RAG1: variants seen among roughly 807,000 people sequenced by gnomAD.
RAG1 encodes the protein V(D)J recombination-activating protein 1.
RAG1 carries 35 observed loss-of-function variants against 62.7 expected under a neutral mutation model. That is an observed-to-expected ratio of 0.56 (90% CI 0.43 to 0.74). The LOEUF (loss-of-function observed/expected upper bound fraction) is 0.74. Ranked by LOEUF, RAG1 falls within the 30% of genes least tolerant of loss-of-function variation. The probability of loss-of-function intolerance (pLI) is 0.00; values close to 1 mark genes in which losing one functional copy is unlikely to be tolerated. For synonymous variants in RAG1, 461 were observed against 470.3 expected, an observed-to-expected ratio of 0.98 and a Z score of 0.26; for missense variants, 1,169 against 1,278.6, an observed-to-expected ratio of 0.91 and a Z score of 1.31.
downstream of RAG1, among the ~76,000 whole-genome samples, chr11:36,539,649 G>T (rs1484889776): frequency 6.6e-6 from 1 of 151,994 alleles, no homozygotes; most frequent in African/African-American, 2.4e-5. Flanking sequence ...CACGCCTGGC[G>T]ATATTTTTAG....
intron 3 of RAG1, among the ~76,000 whole-genome samples, chr11:36,541,043 A>G (rs1860409027): frequency 6.6e-6 from 1 of 152,160 alleles, no homozygotes; most frequent in Admixed American, 6.6e-5. Flanking sequence ...TCCGGTTTCC[A>G]CATGACATGA....
At chr11:36,513,492 C>T (rs1289205810) in intron 1 of RAG1, among the ~76,000 whole-genome samples, 1 of 152,184 alleles carries the variant, frequency 6.6e-6, no homozygotes, top group Non-Finnish European at 1.5e-5. Flanking sequence ...ACTTATTGAA[C>T]AACCATTATA....
chr11:36,521,375 CT>C (rs568107016), intron 2 of RAG1, among the ~76,000 whole-genome samples: 85 of 152,204 alleles, frequency 5.6e-4, no homozygotes, highest in African/African-American at 2.0e-3. Flanking sequence ...GTGAATGAGT[CT>C]CACTAAATCT....
At position 36,551,601 on chromosome 11, in the gene RAG1, C is replaced by CTTTT. The variant is rs199642455; in HGVS notation, c.-411-11769_-411-11766dup. Among the ~76,000 whole-genome samples, 677 of 133,132 alleles carry CTTTT rather than the reference C, an allele frequency of 5.1e-3. 10 individuals carry two copies. The highest frequency in any genetic ancestry group is 0.015 in the African/African-American group (554 of 36,296). 87.3% of individuals were successfully genotyped at this position (133,132 alleles called of 152,430 possible). On this transcript the variant is annotated intron_variant and NMD_transcript_variant, in intron 3 of 9. Transcript: ENST00000534663. ...TGACCTCATTTTAACTTAATTACTT[C>CTTTT]TTTTTTTTTTTTTTTTTTATTATAC... is the stretch of plus-strand genomic sequence containing the variant.
chr11:36,536,786 T>TCAA (rs1432821318), downstream of RAG1, among the ~76,000 whole-genome samples: 1 of 151,346 alleles, frequency 6.6e-6, no homozygotes, highest in Non-Finnish European at 1.5e-5. Flanking sequence ...TGAGACGGAG[T>TCAA]CTTGCTCAGT....
intron 1 of RAG1, among the ~76,000 whole-genome samples, chr11:36,512,920 C>A (rs751839435): frequency 6.6e-6 from 1 of 152,108 alleles, no homozygotes; most frequent in South Asian, 2.1e-4. Context: ...AGTTTCAATG[C>A]GTCCCCTAAA....
rs994294773 is a variant in RAG1, at chr11:36,578,670, A to G, written c.*2234A>G. 6.0e-6 allele frequency: 1 copy of G among 167,084 alleles called. No homozygotes were observed. The highest frequency in any genetic ancestry group is 1.5e-5 in the Non-Finnish European group (1 of 68,126). The allele number at this position is 167,084 out of a possible 1,614,324, so 10.4% of individuals were successfully genotyped here. On this transcript the variant is annotated 3_prime_UTR_variant, in exon 2 of 2. Coordinates refer to ENST00000299440, the MANE Select transcript of RAG1 (RefSeq NM_000448.3). ...AGCACAACCTTTCCAATAATCCCTTAATCAGATCACATTTTGATAAACCCT... is the reference window on the plus strand; with the variant it reads ...AGCACAACCTTTCCAATAATCCCTTGATCAGATCACATTTTGATAAACCCT...
rs1424729647 is a variant in RAG1, at chr11:36,576,283, C to A, written c.2979C>A (p.His993Gln). The change falls in exon 2 of 2, where the codon CAC (histidine) becomes CAA (glutamine). Residue 993 changes from histidine to glutamine, a missense_variant. Physicochemically the swap from His to Gln is conservative, Grantham distance 24. Around this residue, in one of 2 missense-constraint regions of RAG1, gnomAD observed 800 missense variants for 943.3 expected, o/e 0.85. Transcript: ENST00000299440. The stretch of plus-strand genomic sequence containing the variant: ...ATGAGATGGAAGATGTCCTGAAACA[C>A]CACTGGTTGTACACCTCCAAATACC... Reference protein sequence around the residue: ...KCYEMEDVLKHHWLYTSKYLQ... With the variant: ...KCYEMEDVLKQHWLYTSKYLQ... 1.5e-5 allele frequency: 24 copies of A among 1,613,922 alleles called. No individual in the cohort carries two copies. The highest frequency in any genetic ancestry group is 1.9e-5 in the Non-Finnish European group (22 of 1,180,040).
chr11:36,525,847 A>C (rs1024818778), intron 2 of RAG1, among the ~76,000 whole-genome samples: 1 of 152,184 alleles, frequency 6.6e-6, no homozygotes, highest in African/African-American at 2.4e-5. Context: ...GTCATCTGCA[A>C]ATAGAAACGG....
intron 3 of RAG1, among the ~76,000 whole-genome samples, chr11:36,548,330 A>G (rs1304659658): frequency 1.3e-5 from 2 of 152,222 alleles, no homozygotes; most frequent in Non-Finnish European, 2.9e-5. Flanking sequence ...AGAGGAAGTC[A>G]AATTGTCTCT....
intron 2 of RAG1, among the ~76,000 whole-genome samples, chr11:36,530,162 T>C (rs1417074809): frequency 2.0e-5 from 3 of 151,794 alleles, no homozygotes; most frequent in Admixed American, 6.6e-5. Context: ...GGGTCTATAC[T>C]GATATCCCTG....
chr11:36,561,048 A>G (rs957550771), intron 3 of RAG1, among the ~76,000 whole-genome samples: 42 of 152,204 alleles, frequency 2.8e-4, no homozygotes, highest in African/African-American at 9.7e-4. Context: ...CTTAGGCACA[A>G]TTATACTGTC....
chr11:36,514,241 G>A (rs1263288761), intron 1 of RAG1, among the ~76,000 whole-genome samples: 1 of 152,196 alleles, frequency 6.6e-6, no homozygotes. Context: ...AATCTCACAA[G>A]AGACCCTAAG....
upstream of RAG1, among the ~76,000 whole-genome samples, chr11:36,567,745 T>C (rs756960570): frequency 2.0e-5 from 3 of 152,218 alleles, no homozygotes; most frequent in Non-Finnish European, 2.9e-5. Context: ...TGGCAAAAGC[T>C]GGGGCTTATA....
chr11:36,527,523 C>G lies in RAG1; in HGVS notation n.428+7294C>G, dbSNP rs146448370. Among the ~76,000 whole-genome samples the G allele has an allele frequency of 2.9e-3, 441 of 152,248 alleles. 3 individuals carry two copies. The highest frequency in any genetic ancestry group is 0.01 in the African/African-American group (423 of 41,554). Reference sequence around the variant, plus strand: ...AGTTTGAAGTCAGGTAGCGTGATGCCTCTAGCTTTGTTCTTTTTGCTGAGG... The same window carrying G: ...AGTTTGAAGTCAGGTAGCGTGATGCGTCTAGCTTTGTTCTTTTTGCTGAGG... On this transcript the variant is annotated intron_variant and non_coding_transcript_variant, in intron 2 of 2. Coordinates refer to the RAG1 transcript ENST00000529126.
intron 1 of RAG1, among the ~76,000 whole-genome samples, chr11:36,511,519 C>T (rs902460076): frequency 6.6e-6 from 1 of 152,068 alleles, no homozygotes; most frequent in African/African-American, 2.4e-5. Context: ...TAAATGTTAC[C>T]AATACTATAT....
chr11:36,520,572 T>C (rs1860063823), intron 2 of RAG1, among the ~76,000 whole-genome samples: 1 of 152,176 alleles, frequency 6.6e-6, no homozygotes, highest in Non-Finnish European at 1.5e-5. Flanking sequence ...CCATGGCGCC[T>C]GGCTGAAAAA....
At chr11:36,536,866 C>T (rs1860337367), downstream of RAG1, among the ~76,000 whole-genome samples, 1 of 150,416 alleles carries the variant, frequency 6.6e-6, no homozygotes, top group Admixed American at 6.6e-5. Context: ...TCACCCCATT[C>T]TCCTGCCTCA....
intron 2 of RAG1, among the ~76,000 whole-genome samples, chr11:36,528,229 C>CCAAT (rs1860196327): frequency 6.6e-6 from 1 of 152,030 alleles, no homozygotes; most frequent in East Asian, 1.9e-4. Flanking sequence ...CTAAAATTGA[C>CCAAT]CACAAGGTTG....
Sources: gnomAD v4.1 joint callset for allele counts (sites outside exome capture counted in the v4.1 genomes callset) on GRCh38, gnomAD v4.1.1 for gene constraint, gnomAD v4.1.1 regional missense constraint, MANE v1.5 for transcripts, NCBI Gene and HGNC (gene_info 2026-07-23, HGNC 2026-07-21) for gene names.